The following FNDC3B variants were observed in gnomAD, a reference collection of about 807,000 sequenced individuals.
FNDC3B encodes the protein fibronectin type III domain-containing protein 3B.
FNDC3B carries 12 observed loss-of-function variants against 151.5 expected under a neutral mutation model. The ratio of observed to expected loss-of-function variants is 0.08; its 90% CI spans 0.05 to 0.13. FNDC3B has a LOEUF of 0.13. Ranked by LOEUF, FNDC3B falls within the 10% of genes least tolerant of loss-of-function variation. The pLI, the probability that FNDC3B is intolerant of heterozygous loss-of-function variation, is 1.00. For synonymous variants in FNDC3B, 528 were observed against 549.0 expected (o/e 0.96, Z 0.54); for missense variants, 1,214 against 1,505.3 (o/e 0.81, Z 3.20).
Position 172,074,635 on chromosome 3 carries a change from T to G in FNDC3B, c.-29+34864T>G, listed in dbSNP as rs578249956. Among the ~76,000 whole-genome samples, 201 of 152,328 alleles carry G rather than the reference T, an allele frequency of 1.3e-3. 1 individual carries two copies. Among genetic ancestry groups the G allele is most frequent in the African/African-American group, 4.6e-3 (193 of 41,590 alleles). On this transcript the variant is annotated intron_variant, in intron 1 of 25. Coordinates refer to ENST00000415807, the MANE Select transcript of FNDC3B (RefSeq NM_022763.4). Reference sequence around the variant, plus strand: ...GCAGATATCTTAGTTTGCTATTTTATAGCATGGGTTATACTTTAAGGGCTG... The same window carrying G: ...GCAGATATCTTAGTTTGCTATTTTAGAGCATGGGTTATACTTTAAGGGCTG...
intron 3 of FNDC3B, among the ~76,000 whole-genome samples, chr3:172,221,211 G>T (rs6445049): frequency 0.77 from 116,549 of 152,120 alleles, 44,889 homozygotes; most frequent in African/African-American, 0.82. Context: ...TTTTCTATAC[G>T]TTGGGATATG....
chr3:172,216,896 T>C (rs978633115), intron 3 of FNDC3B, among the ~76,000 whole-genome samples: 6 of 152,218 alleles, frequency 3.9e-5, no homozygotes, highest in African/African-American at 1.4e-4. Context: ...AGAGGTCTTC[T>C]ACCTAACTCT....
chr3:172,042,383 G>C (rs1716129732), intron 1 of FNDC3B, among the ~76,000 whole-genome samples: 1 of 152,230 alleles, frequency 6.6e-6, no homozygotes, highest in Non-Finnish European at 1.5e-5. Context: ...TATTTAACCT[G>C]GTAGCATTTG....
intron 11 of FNDC3B, among the ~76,000 whole-genome samples, chr3:172,320,182 C>A (rs1341847867): frequency 6.6e-6 from 1 of 152,008 alleles, no homozygotes; most frequent in Non-Finnish European, 1.5e-5. Context: ...GAGTTTGAGA[C>A]CAGCCTGACC....
intron 4 of FNDC3B, 145 bp downstream of exon 4, chr3:172,227,092 G>T: frequency 1.7e-6 from 1 of 604,198 alleles, no homozygotes; most frequent in Non-Finnish European, 3.0e-6. Context: ...GCACCACATG[G>T]CGTTTCTTGT....
intron 11 of FNDC3B, among the ~76,000 whole-genome samples, chr3:172,312,043 G>A (rs1731529662): frequency 6.6e-6 from 1 of 152,136 alleles, no homozygotes; most frequent in Non-Finnish European, 1.5e-5. Context: ...GCTAGCCTTC[G>A]TGACTTAAAT....
At chr3:172,235,147 G>A (rs1367786505) in intron 4 of FNDC3B, among the ~76,000 whole-genome samples, 2 of 151,986 alleles carry the variant, frequency 1.3e-5, no homozygotes, top group African/African-American at 2.4e-5. Context: ...TGGTTTATTT[G>A]CACATCAATA....
At chr3:172,109,697 C>T (rs996406956) in intron 1 of FNDC3B, among the ~76,000 whole-genome samples, 44 of 152,198 alleles carry the variant, frequency 2.9e-4, no homozygotes, top group Non-Finnish European at 1.5e-4. Context: ...TACAGCCTCC[C>T]TGTCTCCCCT....
chr3:172,128,693 T>G (rs1720923204), intron 2 of FNDC3B, among the ~76,000 whole-genome samples: 1 of 152,236 alleles, frequency 6.6e-6, no homozygotes, highest in African/African-American at 2.4e-5. Context: ...CTAGAATCCT[T>G]AGTTGCGTGG....
At chr3:172,120,828 A>C (rs1466032186) in intron 2 of FNDC3B, among the ~76,000 whole-genome samples, 3 of 152,044 alleles carry the variant, frequency 2.0e-5, no homozygotes, top group African/African-American at 7.2e-5. Flanking sequence ...GCCGGGCGTG[A>C]TGCTGCATGC....
intron 11 of FNDC3B, among the ~76,000 whole-genome samples, chr3:172,325,084 T>C (rs748931029): frequency 2.6e-5 from 4 of 152,254 alleles, no homozygotes; most frequent in Non-Finnish European, 5.9e-5. Context: ...GGATTAGGCC[T>C]AAGTCATGGC....
intron 2 of FNDC3B, among the ~76,000 whole-genome samples, chr3:172,116,628 C>T (rs1320239144): frequency 2.6e-5 from 4 of 152,086 alleles, no homozygotes; most frequent in Admixed American, 6.5e-5. Flanking sequence ...TGCAATGGCA[C>T]GATCTCTGCT....
At chr3:172,152,897 G>C (rs1270056072) in intron 3 of FNDC3B, among the ~76,000 whole-genome samples, 4 of 152,160 alleles carry the variant, frequency 2.6e-5, no homozygotes, top group Non-Finnish European at 5.9e-5. Flanking sequence ...TCTTTGCACA[G>C]AACAATTCAT....
rs1736509885 is a variant in FNDC3B, at chr3:172,400,323, C to A, written c.*2848C>A. The A allele has an allele frequency of 6.6e-6, 1 of 152,590 alleles. No homozygotes were observed. Among genetic ancestry groups the A allele is most frequent in the Non-Finnish European group, 1.5e-5 (1 of 68,024 alleles). The allele number at this position is 152,590 out of a possible 1,614,324, so 9.5% of individuals were successfully genotyped here. On this transcript the variant is annotated 3_prime_UTR_variant, in exon 26 of 26. Transcript: ENST00000415807. ...TTTTTTGCATATTCTCTGCCTTGTT[C>A]TTATCAACTTGAAATGTTGGCATTT...
intron 3 of FNDC3B, among the ~76,000 whole-genome samples, chr3:172,145,646 A>G (rs527989498): frequency 6.6e-6 from 1 of 152,208 alleles, no homozygotes; most frequent in Admixed American, 6.5e-5. Flanking sequence ...ATGGTTTAAG[A>G]TTTTTCAACT....
intron 6 of FNDC3B, among the ~76,000 whole-genome samples, chr3:172,251,778 T>G (rs531033281): frequency 6.6e-5 from 10 of 152,324 alleles, no homozygotes; most frequent in Admixed American, 5.2e-4. Context: ...CCATGCAACT[T>G]TGCACTTAAT....
At chr3:172,231,145 T>TA (rs1726867866) in intron 4 of FNDC3B, among the ~76,000 whole-genome samples, 1 of 152,222 alleles carries the variant, frequency 6.6e-6, no homozygotes, top group African/African-American at 2.4e-5. Context: ...AAAGAACTGA[T>TA]ACATGCTAAA....
At chr3:172,064,245 C>T (rs1271455772) in intron 1 of FNDC3B, among the ~76,000 whole-genome samples, 1 of 152,148 alleles carries the variant, frequency 6.6e-6, no homozygotes, top group Non-Finnish European at 1.5e-5. Flanking sequence ...AGGAAAGGAG[C>T]CCTCACCAGA....
intron 4 of FNDC3B, among the ~76,000 whole-genome samples, chr3:172,239,853 GTTCTTTTTTTTTTTTT>G (rs1277760973): frequency 5.8e-4 from 38 of 65,878 alleles, no homozygotes; most frequent in African/African-American, 2.0e-3. Flanking sequence ...ATCCATTTTA[GTTCTTTTTTTTTTTTT>G]TTTTTTTTTT....
Sources: allele counts gnomAD v4.1 joint callset (sites outside exome capture counted in the v4.1 genomes callset), GRCh38; gene constraint gnomAD v4.1.1; transcripts MANE v1.5; gene names NCBI Gene and HGNC (gene_info 2026-07-23, HGNC 2026-07-21).